Variants in CNTNAP5 observed in about 807,000 individuals in gnomAD.
CNTNAP5 encodes contactin associated protein family member 5, also known as contactin-associated protein-like 5.
In CNTNAP5, 72 loss-of-function variants were observed where a neutral mutation model predicts 150.2. The ratio of observed to expected loss-of-function variants is 0.48; its 90% CI spans 0.40 to 0.58. CNTNAP5 has a LOEUF of 0.58. Among genes scored for constraint, CNTNAP5 ranks in the 20% least tolerant of loss-of-function variants. CNTNAP5 has a pLI of 0.00. For missense variants in CNTNAP5, 1,636 were observed against 1,626.2 expected (o/e 1.01, Z -0.10); for synonymous variants, 672 against 619.8 (o/e 1.08, Z -1.25).
At chr2:124,797,710 T>C (rs973963960) in intron 18 of CNTNAP5, among the ~76,000 whole-genome samples, 1 of 152,198 alleles carries the variant, frequency 6.6e-6, no homozygotes. Flanking sequence ...GGGAGTAAGA[T>C]GGTGCCAGTG....
chr2:124,342,991 T>G (rs1186248876), intron 3 of CNTNAP5, among the ~76,000 whole-genome samples: 2 of 152,204 alleles, frequency 1.3e-5, no homozygotes, highest in African/African-American at 2.4e-5. Context: ...GTCAAAGTTC[T>G]TTTTATTTTT....
intron 21 of CNTNAP5, among the ~76,000 whole-genome samples, chr2:124,882,104 A>G (rs1677976312): frequency 6.6e-6 from 1 of 152,078 alleles, no homozygotes; most frequent in Non-Finnish European, 1.5e-5. Context: ...CACTCAGTTC[A>G]GGGGTTTTGA....
intron 1 of CNTNAP5, among the ~76,000 whole-genome samples, chr2:124,120,185 G>T (rs1389608067): frequency 6.6e-6 from 1 of 152,158 alleles, no homozygotes; most frequent in African/African-American, 2.4e-5. Context: ...TATGTCTTGT[G>T]ATAACCATGA....
chr2:124,563,404 A>C, intron 11 of CNTNAP5, 81 bp downstream of exon 11: 2 of 808,200 alleles, frequency 2.5e-6, no homozygotes, highest in Non-Finnish European at 4.1e-6. Context: ...TGTATTTAGC[A>C]TGGGGCAGGC....
intron 13 of CNTNAP5, among the ~76,000 whole-genome samples, chr2:124,718,943 T>TG (rs576343252): frequency 1.3e-4 from 18 of 138,602 alleles, no homozygotes; most frequent in African/African-American, 4.2e-4. Flanking sequence ...AGACTCCATC[T>TG]AAAAAAAAAA....
intron 3 of CNTNAP5, among the ~76,000 whole-genome samples, chr2:124,408,956 C>T (rs1274302155): frequency 6.6e-6 from 1 of 150,828 alleles, no homozygotes; most frequent in African/African-American, 2.4e-5. Context: ...GGAGGACATT[C>T]AAACCAAAGG....
At chr2:124,163,691 G>A (rs1445380501) in intron 1 of CNTNAP5, among the ~76,000 whole-genome samples, 1 of 151,998 alleles carries the variant, frequency 6.6e-6, no homozygotes, top group Non-Finnish European at 1.5e-5. Flanking sequence ...TACCTTTTGT[G>A]ACAGCCCTTA....
chr2:124,195,618 T>TACAC (rs146966992), intron 1 of CNTNAP5, among the ~76,000 whole-genome samples: 1 of 151,514 alleles, frequency 6.6e-6, no homozygotes, highest in African/African-American at 2.4e-5. Context: ...ACATATTAAA[T>TACAC]ACACACACAC....
At chr2:124,268,882 A>G (rs1196248234) in intron 3 of CNTNAP5, among the ~76,000 whole-genome samples, 1 of 152,132 alleles carries the variant, frequency 6.6e-6, no homozygotes, top group Non-Finnish European at 1.5e-5. Context: ...GATGCATGAA[A>G]CATGGTGTAG....
intron 13 of CNTNAP5, among the ~76,000 whole-genome samples, chr2:124,649,672 A>G (rs1678278678): frequency 6.6e-6 from 1 of 152,122 alleles, no homozygotes; most frequent in Non-Finnish European, 1.5e-5. Context: ...TGATGCTGTC[A>G]TTTACCAGTT....
intron 13 of CNTNAP5, among the ~76,000 whole-genome samples, chr2:124,684,661 C>A (rs751206156): frequency 1.3e-5 from 2 of 152,118 alleles, no homozygotes; most frequent in African/African-American, 2.4e-5. Flanking sequence ...TCCCACCTTG[C>A]GGAGTAGTCT....
Position 124,485,631 on chromosome 2 carries a change from A to AAAAGAAGAAG in CNTNAP5, c.1062+10750_1062+10759dup, listed in dbSNP as rs1553472349. On this transcript the variant is annotated intron_variant, in intron 7 of 23. Transcript: ENST00000682447. ...CTGTCTCAAAAAAAAAAAAAAAAAA[A>AAAAGAAGAAG]AAAGAAGAAGGTGCATTTACCGGGG... 9.5e-3 allele frequency among the ~76,000 whole-genome samples: 1,251 copies of AAAAGAAGAAG among 132,188 alleles called. 6 individuals carry two copies. Among genetic ancestry groups the AAAAGAAGAAG allele is most frequent in the African/African-American group, 0.021 (667 of 31,124 alleles). 86.7% of individuals were successfully genotyped at this position (132,188 alleles called of 152,430 possible).
chr2:124,219,507 G>A (rs936018762), intron 1 of CNTNAP5, among the ~76,000 whole-genome samples: 4 of 151,964 alleles, frequency 2.6e-5, no homozygotes, highest in Non-Finnish European at 4.4e-5. Flanking sequence ...GAAATAGGAG[G>A]ATGGTTATAT....
intron 10 of CNTNAP5, among the ~76,000 whole-genome samples, chr2:124,555,098 T>G: frequency 6.9e-6 from 1 of 143,934 alleles, no homozygotes; most frequent in Non-Finnish European, 1.6e-5. Flanking sequence ...TATGCTCTAG[T>G]ATTTTTTTTA....
chr2:124,657,311 A>T (rs762222943), intron 13 of CNTNAP5, among the ~76,000 whole-genome samples: 1 of 151,874 alleles, frequency 6.6e-6, no homozygotes, highest in Non-Finnish European at 1.5e-5. Flanking sequence ...ACCCAAATCC[A>T]CTCATCTGCT....
At chr2:124,901,968 G>A (rs1678421862) in intron 21 of CNTNAP5, among the ~76,000 whole-genome samples, 14 of 152,000 alleles carry the variant, frequency 9.2e-5, no homozygotes, top group Admixed American at 9.2e-4. Context: ...TATAATCTAT[G>A]CCAGTAGATG....
At chr2:124,400,680 T>TTTG (rs1558884168) in intron 3 of CNTNAP5, among the ~76,000 whole-genome samples, 119 of 106,360 alleles carry the variant, frequency 1.1e-3, no homozygotes, top group African/African-American at 2.8e-3. Flanking sequence ...TTTTTTTTTT[T>TTTG]TTTTTTTTGT....
At chr2:124,293,929 T>A (rs1688361503) in intron 3 of CNTNAP5, among the ~76,000 whole-genome samples, 1 of 151,932 alleles carries the variant, frequency 6.6e-6, no homozygotes, top group Non-Finnish European at 1.5e-5. Flanking sequence ...ATAGCAGAGA[T>A]GAGAAAGAAT....
intron 1 of CNTNAP5, among the ~76,000 whole-genome samples, chr2:124,181,657 A>G (rs1685211463): frequency 6.6e-6 from 1 of 152,164 alleles, no homozygotes; most frequent in Admixed American, 6.5e-5. Flanking sequence ...TCTTCACTGT[A>G]TGTATGTACT....
Sources: gnomAD v4.1 joint callset for allele counts (sites outside exome capture counted in the v4.1 genomes callset) on GRCh38, gnomAD v4.1.1 for gene constraint, MANE v1.5 for transcripts, NCBI Gene and HGNC (gene_info 2026-07-23, HGNC 2026-07-21) for gene names.